HAS3: variants seen among roughly 807,000 people sequenced by gnomAD.
The protein encoded by HAS3 is hyaluronan synthase 3, also known as HA synthase 3.
Under a neutral mutation model 50.3 loss-of-function variants are expected in HAS3, and 27 were observed. That is an observed-to-expected ratio of 0.54 (90% CI 0.40 to 0.74). The LOEUF is 0.74. HAS3 is among the 30% of genes least tolerant of loss of function. The pLI is 0.00. For synonymous variants in HAS3, 339 were observed against 310.9 expected (o/e 1.09, Z -0.95); for missense variants, 517 against 742.8 (o/e 0.70, Z 3.53).
At chr16:69,083,650 G>A in the HAS3 span, 19 of 1,559,472 alleles carry the variant, frequency 1.2e-5, no homozygotes, top group East Asian at 4.6e-4. Context: ...GAAGATCATG[G>A]TCCTGCCGTA....
Position 69,109,653 on chromosome 16 carries a change from G to T in HAS3, c.258G>T (p.Ser86=), listed in dbSNP as rs200842834. 6.2e-7 allele frequency: 1 copy of T among 1,609,938 alleles called. No individual in the cohort carries two copies. The highest frequency in any genetic ancestry group is 8.5e-7 in the Non-Finnish European group (1 of 1,179,758). The part of the protein sequence containing the change: ...ALKLPSPRRG[S]VALCIAAYQE... ...AGCTGCCCTCCCCGCGGCGGGGCTC[G>T]GTGGCACTGTGCATTGCCGCATACC... The change falls in exon 2 of 4, where the codon TCG becomes TCT. Residue 86 remains serine (S), a synonymous_variant. Coordinates refer to ENST00000569188, the MANE Select transcript of HAS3 (RefSeq NM_001199280.2). The surrounding 1 kb of genome is among the most constrained non-coding windows in gnomAD (Gnocchi z 5.3).
chr16:69,104,473 T>A (rs2152253107), upstream of HAS3, among the ~76,000 whole-genome samples: 1 of 151,976 alleles, frequency 6.6e-6, no homozygotes, highest in Admixed American at 6.5e-5. Flanking sequence ...ATTTTTGTAT[T>A]TTTTAGTAGA....
chr16:69,094,883 C>G, the HAS3 span, among the ~76,000 whole-genome samples: 2 of 152,030 alleles, frequency 1.3e-5, no homozygotes, highest in East Asian at 3.9e-4. Flanking sequence ...TCCTCTGTTT[C>G]TCCCCGGCTC....
chr16:69,103,019 G>C (rs1960713214), upstream of HAS3, among the ~76,000 whole-genome samples: 1 of 151,516 alleles, frequency 6.6e-6, no homozygotes, highest in Admixed American at 6.6e-5. Flanking sequence ...GTGTGTGTGT[G>C]TGTGTGTGTG....
Position 69,114,285 on chromosome 16 carries a change from G to T in HAS3, c.739-58G>T. 6.6e-7 allele frequency: 1 copy of T among 1,524,796 alleles called. No individual in the cohort carries two copies. Among genetic ancestry groups the T allele is most frequent in the East Asian group, 2.3e-5 (1 of 44,204 alleles). The allele number at this position is 1,524,796 out of a possible 1,614,324, so 94.5% of individuals were successfully genotyped here. A position where few individuals can be genotyped will look rare whatever the true frequency, so the allele number is the denominator to read the frequency against. On this transcript the variant is annotated intron_variant, in intron 3 of 3. Transcript: ENST00000569188. The surrounding 1 kb of genome is among the most constrained non-coding windows in gnomAD (Gnocchi z 6.4). ...ATGGTAAGGAGGCCTCGTGGTCTCT[G>T]ATGTCTGTCCTCCGGACGTGCAACC...
chr16:69,118,155 C>CCACAT, downstream of HAS3: 1 of 338,520 alleles, frequency 3.0e-6, no homozygotes, highest in South Asian at 2.3e-5. Context: ...ATATTCCCAT[C>CCACAT]CACATCAGTT....
the HAS3 span, among the ~76,000 whole-genome samples, chr16:69,085,736 C>G: frequency 6.6e-6 from 1 of 151,970 alleles, no homozygotes; most frequent in African/African-American, 2.4e-5. Context: ...CACCACCATG[C>G]CTGGCTAATT....
chr16:69,099,400 T>A, the HAS3 span, among the ~76,000 whole-genome samples: 2 of 152,182 alleles, frequency 1.3e-5, no homozygotes, highest in East Asian at 3.9e-4. Flanking sequence ...CAATCTCGGC[T>A]CACTGCAACC....
chr16:69,096,513 T>TGACA, the HAS3 span, among the ~76,000 whole-genome samples: 1 of 108,862 alleles, frequency 9.2e-6, no homozygotes, highest in African/African-American at 3.7e-5. Context: ...CCAGTCTGGA[T>TGACA]GACAGAGGGA....
the HAS3 span, among the ~76,000 whole-genome samples, chr16:69,094,096 G>A: frequency 3.8e-4 from 58 of 152,338 alleles, no homozygotes; most frequent in Non-Finnish European, 6.9e-4. Flanking sequence ...TGCAGAGTGG[G>A]TGTGGTGCCG....
chr16:69,109,797 C>T lies in HAS3; in HGVS notation c.402C>T (p.Asp134=). 1.2e-6 allele frequency: 2 copies of T among 1,612,362 alleles called. No homozygotes were observed. Among genetic ancestry groups the T allele is most frequent in the Non-Finnish European group, 8.5e-7 (1 of 1,180,020 alleles). ...GCCAGGAGGACGCCTACATGCTGGACATCTTCCACGAGGTGCTGGGCGGCA... is the reference window on the plus strand; with the variant it reads ...GCCAGGAGGACGCCTACATGCTGGATATCTTCCACGAGGTGCTGGGCGGCA... The part of the protein sequence containing the change: ...GNRQEDAYML[D]IFHEVLGGTE... The change falls in exon 2 of 4, where the codon GAC becomes GAT. Residue 134 remains aspartate (D), a synonymous_variant. Coordinates refer to ENST00000569188, the MANE Select transcript of HAS3 (RefSeq NM_001199280.2). The surrounding 1 kb of genome is among the most constrained non-coding windows in gnomAD (Gnocchi z 5.3).
Position 69,117,404 on chromosome 16 carries a change from T to A in HAS3, c.*2138T>A. ...ACCTCGACTGGTTTTTCTAAGTTAT[T>A]TTGTACATTTTTCAGCAGCAAAACC... On this transcript the variant is annotated 3_prime_UTR_variant, in exon 4 of 4. Transcript: ENST00000569188. 1 of 985,800 alleles carries A rather than the reference T, an allele frequency of 1.0e-6. No homozygotes were observed. The highest frequency in any genetic ancestry group is 1.2e-6 in the Non-Finnish European group (1 of 829,914). The allele number at this position is 985,800 out of a possible 1,614,324, so 61.1% of individuals were successfully genotyped here.
the HAS3 span, among the ~76,000 whole-genome samples, chr16:69,086,522 A>ATGTGTGTGTGTGTGTGTGTGTG: frequency 1.4e-5 from 2 of 138,310 alleles, no homozygotes; most frequent in Non-Finnish European, 3.2e-5. Context: ...TTTCTATATT[A>ATGTGTGTGTGTGTGTGTGTGTG]TGTGTGTGTG....
At chr16:69,093,826 G>A in the HAS3 span, among the ~76,000 whole-genome samples, 2 of 151,900 alleles carry the variant, frequency 1.3e-5, no homozygotes, top group African/African-American at 2.4e-5. Flanking sequence ...CACTGCGCCC[G>A]GCCTACAGTG....
the HAS3 span, among the ~76,000 whole-genome samples, chr16:69,096,852 C>T: frequency 3.3e-5 from 5 of 151,792 alleles, no homozygotes; most frequent in Admixed American, 2.0e-4. Flanking sequence ...CTCCTGACCT[C>T]GTGATCCGCC....
rs1961216146 is a variant in HAS3, at chr16:69,117,069, G to A, written c.*1803G>A. The A allele has an allele frequency of 2.0e-6, 2 of 985,544 alleles. No homozygotes were observed. The highest frequency in any genetic ancestry group is 2.4e-6 in the Non-Finnish European group (2 of 829,934). 61.0% of individuals were successfully genotyped at this position (985,544 alleles called of 1,614,324 possible). Reference sequence around the variant, plus strand: ...ACCTCGAGTTTCTGGTAAGACTGCTGGTTGACATCAGACCCAACCCATGAA... The same window carrying A: ...ACCTCGAGTTTCTGGTAAGACTGCTAGTTGACATCAGACCCAACCCATGAA... On this transcript the variant is annotated 3_prime_UTR_variant, in exon 4 of 4. Transcript: ENST00000569188.
At chr16:69,102,231 G>A (rs796138975), upstream of HAS3, among the ~76,000 whole-genome samples, 9 of 152,334 alleles carry the variant, frequency 5.9e-5, no homozygotes, top group East Asian at 5.8e-4. Flanking sequence ...TAAGTGCAGC[G>A]TGAATCTTCT....
At chr16:69,118,405 G>C, downstream of HAS3, 2 of 1,613,792 alleles carry the variant, frequency 1.2e-6, no homozygotes, top group Non-Finnish European at 8.5e-7. Flanking sequence ...AAGCTGCCCA[G>C]GTCAGAGCTA....
At chr16:69,108,823 ATG>A (rs1960898239) in intron 1 of HAS3, among the ~76,000 whole-genome samples, 1 of 152,160 alleles carries the variant, frequency 6.6e-6, no homozygotes, top group South Asian at 2.1e-4. Context: ...CTTTTTCCCA[ATG>A]CCCCTTTGTT....
Sources: allele counts gnomAD v4.1 joint callset (sites outside exome capture counted in the v4.1 genomes callset), GRCh38; gene constraint gnomAD v4.1.1; non-coding constraint Gnocchi (gnomAD v3.1); transcripts MANE v1.5; gene names NCBI Gene and HGNC (gene_info 2026-07-23, HGNC 2026-07-21).